The following DNAH8 variants were observed in gnomAD, a reference collection of about 807,000 sequenced individuals.
The protein encoded by DNAH8 is dynein axonemal heavy chain 8.
In DNAH8, 382 loss-of-function variants were observed where a neutral mutation model predicts 562.1. That is an observed-to-expected ratio of 0.68 (90% CI 0.63 to 0.74). The LOEUF (loss-of-function observed/expected upper bound fraction) is 0.74, where lower values mean the gene tolerates loss of function less well. Among genes scored for constraint, DNAH8 ranks in the 30% least tolerant of loss-of-function variants. The probability of loss-of-function intolerance (pLI) is 0.00; values close to 1 mark genes in which losing one functional copy is unlikely to be tolerated. For missense variants in DNAH8, 5,203 were observed against 5,620.4 expected (o/e 0.93, Z 2.37); for synonymous variants, 1,881 against 1,919.4 (o/e 0.98, Z 0.52).
In DNAH8 at chr6:38,848,664, A is replaced by T. The variant is rs778582165; in HGVS notation, c.5062A>T (p.Lys1688Ter). 7 of 1,573,744 alleles carry T rather than the reference A, an allele frequency of 4.4e-6. No homozygotes were observed. In the Admixed American group the frequency reaches 6.9e-5, roughly 15 times the overall value. Residue 1688 changes from lysine (K) to a stop codon, truncating the protein, a stop_gained, in exon 37 of 93, where the codon AAA becomes TAA. Transcript: ENST00000327475. LOFTEE classifies it high-confidence loss of function. ...LLSNRYNAPF[K>*]KNIQNWVYKL... ...ACCTTTTAGATACAATGCTCCATTT[A>T]AAAAAAATATCCAGAATTGGGTGTA...
chr6:38,930,108 ATAAAGTCATTGATTTGG>A (rs1371412934), intron 75 of DNAH8, among the ~76,000 whole-genome samples: 2 of 152,206 alleles, frequency 1.3e-5, no homozygotes, highest in Non-Finnish European at 2.9e-5. Context: ...TGACATTTTA[ATAAAGTCATTGATTTGG>A]TAAAGTCATT....
intron 56 of DNAH8, among the ~76,000 whole-genome samples, chr6:38,885,576 ACT>A (rs1413851868): frequency 6.6e-6 from 1 of 151,756 alleles, no homozygotes; most frequent in Non-Finnish European, 1.5e-5. Flanking sequence ...ATGATCCAAG[ACT>A]CTACACATTT....
chr6:38,899,639 T>A (rs1779936669), intron 61 of DNAH8, 137 bp from the exon 62 acceptor site: 3 of 851,944 alleles, frequency 3.5e-6, no homozygotes, highest in Non-Finnish European at 5.3e-6. Flanking sequence ...TTTTAAAAAT[T>A]CTGTCATAGA....
intron 80 of DNAH8, among the ~76,000 whole-genome samples, chr6:38,948,449 C>T (rs1338916609): frequency 6.6e-6 from 1 of 152,162 alleles, no homozygotes; most frequent in Non-Finnish European, 1.5e-5. Context: ...AGTGATTCTC[C>T]TGCCTCAGCC....
chr6:38,717,415 C>T (rs148802228), intron 1 of DNAH8, among the ~76,000 whole-genome samples: 1 of 152,188 alleles, frequency 6.6e-6, no homozygotes, highest in African/African-American at 2.4e-5. Flanking sequence ...CCTTGACCTC[C>T]TGGGCTCAAG....
intron 7 of DNAH8, among the ~76,000 whole-genome samples, chr6:38,738,413 A>G (rs1764269213): frequency 1.3e-5 from 2 of 152,216 alleles, no homozygotes; most frequent in South Asian, 4.1e-4. Context: ...TCAGCATCAC[A>G]GTGGCAAGCC....
At chr6:38,757,326 G>C (rs1376777306) in intron 10 of DNAH8, among the ~76,000 whole-genome samples, 1 of 152,178 alleles carries the variant, frequency 6.6e-6, no homozygotes, top group African/African-American at 2.4e-5. Context: ...CTTCTTTTGA[G>C]AAGTGTCTGT....
chr6:38,869,396 C>T (rs1323759838), intron 48 of DNAH8, among the ~76,000 whole-genome samples: 2 of 151,168 alleles, frequency 1.3e-5, no homozygotes, highest in East Asian at 4.0e-4. Flanking sequence ...GAGGCTTAGA[C>T]TCCCTAAGTC....
At chr6:38,786,283 C>T (rs1300961159) in intron 17 of DNAH8, among the ~76,000 whole-genome samples, 1 of 152,144 alleles carries the variant, frequency 6.6e-6, no homozygotes, top group East Asian at 1.9e-4. Context: ...ATATTTCTTA[C>T]TGATTTTGAG....
At chr6:38,833,228 GCTA>G (rs1773996002) in intron 31 of DNAH8, among the ~76,000 whole-genome samples, 1 of 149,904 alleles carries the variant, frequency 6.7e-6, no homozygotes, top group Non-Finnish European at 1.5e-5. Flanking sequence ...AGCCCTTGGT[GCTA>G]CTTATATAAT....
intron 5 of DNAH8, among the ~76,000 whole-genome samples, chr6:38,735,469 A>C (rs936591238): frequency 6.6e-6 from 1 of 152,154 alleles, no homozygotes; most frequent in African/African-American, 2.4e-5. Context: ...CACTCCTGTT[A>C]GTGTAATTCA....
intron 85 of DNAH8, among the ~76,000 whole-genome samples, chr6:38,976,501 G>A (rs934028308): frequency 6.6e-6 from 1 of 152,190 alleles, no homozygotes; most frequent in Non-Finnish European, 1.5e-5. Flanking sequence ...GATAGGGACA[G>A]CTTGATAGAA....
intron 10 of DNAH8, among the ~76,000 whole-genome samples, chr6:38,759,958 A>G (rs758451032): frequency 2.6e-5 from 4 of 152,174 alleles, no homozygotes; most frequent in African/African-American, 4.8e-5. Context: ...CCCTATACCT[A>G]TCACAATGGT....
intron 85 of DNAH8, among the ~76,000 whole-genome samples, chr6:38,979,967 A>G (rs1763919960): frequency 6.6e-6 from 1 of 152,232 alleles, no homozygotes; most frequent in African/African-American, 2.4e-5. Flanking sequence ...CAAAGTCCTC[A>G]AGATGGAAGA....
intron 37 of DNAH8, among the ~76,000 whole-genome samples, chr6:38,849,566 T>A (rs1775572832): frequency 6.8e-6 from 1 of 146,734 alleles, no homozygotes; most frequent in African/African-American, 2.7e-5. Flanking sequence ...AGAGGTTTTT[T>A]TTTTGCTTTT....
intron 21 of DNAH8, among the ~76,000 whole-genome samples, chr6:38,794,482 G>T (rs937514381): frequency 6.6e-6 from 1 of 152,158 alleles, no homozygotes; most frequent in Admixed American, 6.5e-5. Context: ...ATACACCCTT[G>T]TAACTGTCTC....
rs58784448 is a variant in DNAH8 at position 38,772,971 on chromosome 6, C to CTTTTTTT, written c.1764+2433_1764+2439dup. 4.9e-4 allele frequency among the ~76,000 whole-genome samples: 43 copies of CTTTTTTT among 88,082 alleles called. 1 individual carries two copies. The highest frequency in any genetic ancestry group is 7.2e-4 in the African/African-American group (14 of 19,438). 57.8% of individuals were successfully genotyped at this position (88,082 alleles called of 152,430 possible). On this transcript the variant is annotated intron_variant, in intron 12 of 92. Coordinates refer to ENST00000327475, the MANE Select transcript of DNAH8 (RefSeq NM_001206927.2). ...ATACCACCATGCCTAGCTAATTAAACTTTTTTTTTTTTTTTTTTTTTTTTT... is the reference window on the plus strand; with the variant it reads ...ATACCACCATGCCTAGCTAATTAAACTTTTTTTTTTTTTTTTTTTTTTTTTTTTTTTT...
intron 77 of DNAH8, 62 bp from the exon 78 acceptor site, chr6:38,937,912 A>G: frequency 6.5e-7 from 1 of 1,539,152 alleles, no homozygotes; most frequent in East Asian, 2.3e-5. Flanking sequence ...TTCAGAAGAG[A>G]TGTATCTTGC....
At chr6:38,942,717 A>G (rs1783559975) in intron 79 of DNAH8, among the ~76,000 whole-genome samples, 1 of 152,222 alleles carries the variant, frequency 6.6e-6, no homozygotes. Flanking sequence ...CATTTGTCGT[A>G]GCTCATAGGA....
Sources: gnomAD v4.1 joint callset for allele counts (sites outside exome capture counted in the v4.1 genomes callset) on GRCh38, gnomAD v4.1.1 for gene constraint, MANE v1.5 for transcripts, NCBI Gene and HGNC (gene_info 2026-07-23, HGNC 2026-07-21) for gene names.